The following FBXO43 variants were observed in gnomAD, a reference collection of about 807,000 sequenced individuals.
FBXO43 encodes F-box protein 43, also known as F-box only protein 43.
In FBXO43, 22 loss-of-function variants were observed where a neutral mutation model predicts 56.7. That is an observed-to-expected ratio of 0.39 (90% CI 0.28 to 0.55). The LOEUF is 0.55. Among genes scored for constraint, FBXO43 ranks in the 20% least tolerant of loss-of-function variants. FBXO43 has a pLI of 0.66. For missense variants in FBXO43, 733 were observed against 814.9 expected (o/e 0.90, Z 1.22); for synonymous variants, 306 against 294.5 (o/e 1.04, Z -0.40).
chr8:100,145,118 T>C lies in FBXO43; in HGVS notation c.18A>G (p.Lys6=). ...CTTCCAAACAAGAAATTCTCTCATCTTTGTCTTTAAAACTCATGCCAAAAT... is the reference window on the plus strand; with the variant it reads ...CTTCCAAACAAGAAATTCTCTCATCCTTGTCTTTAAAACTCATGCCAAAAT... MSFKD[K]DERISCLEAY... Residue 6 remains lysine (K), a synonymous_variant, in exon 1 of 5, where the codon AAA becomes AAG. Coordinates refer to ENST00000428847, the MANE Select transcript of FBXO43 (RefSeq NM_001029860.4). 1 of 1,611,524 alleles carries C rather than the reference T, an allele frequency of 6.2e-7. No individual in the cohort carries two copies. Among genetic ancestry groups the C allele is most frequent in the African/African-American group, 1.3e-5 (1 of 74,906 alleles).
At position 100,134,056 on chromosome 8, in the gene FBXO43, G is replaced by A. The variant is rs368853064; in HGVS notation, c.1879-6C>T. 1,228 of 1,613,152 alleles carry A rather than the reference G, an allele frequency of 7.6e-4. 3 individuals are homozygous for A. Among genetic ancestry groups the A allele is most frequent in the Admixed American group, 1.2e-3 (74 of 59,946 alleles). Reference sequence around the variant, plus strand: ...GTAAAAAGTGTTTTGGCAACCTGCAGTGAAAGCACACACACTAAATCTTCT... The same window carrying A: ...GTAAAAAGTGTTTTGGCAACCTGCAATGAAAGCACACACACTAAATCTTCT... On this transcript the variant is annotated splice_polypyrimidine_tract_variant and splice_region_variant and intron_variant, in intron 4 of 4. Transcript: ENST00000428847.
upstream of FBXO43, among the ~76,000 whole-genome samples, chr8:100,149,567 C>T (rs1814883901): frequency 1.3e-5 from 2 of 152,136 alleles, no homozygotes; most frequent in Non-Finnish European, 2.9e-5. Context: ...GGAACTGCTG[C>T]GTTTTCCTGA....
chr8:100,141,417 ACATG>A lies in FBXO43; in HGVS notation c.833_836del (p.Ala278ValfsTer22). 1.9e-6 allele frequency: 3 copies of A among 1,613,604 alleles called. No homozygotes were observed. The highest frequency in any genetic ancestry group is 2.5e-6 in the Non-Finnish European group (3 of 1,179,988). On this transcript the variant is annotated frameshift_variant, in exon 2 of 5. Coordinates refer to ENST00000428847, the MANE Select transcript of FBXO43 (RefSeq NM_001029860.4). LOFTEE classifies it high-confidence loss of function. ...TAACAGAGGAGCCCAGGAGCTCTGG[ACATG>A]CATTCTCATCATTAATGCATAAACT...
chr8:100,139,051 T>A (rs1439679593), intron 2 of FBXO43, among the ~76,000 whole-genome samples: 3 of 152,154 alleles, frequency 2.0e-5, no homozygotes, highest in Non-Finnish European at 2.9e-5. Context: ...TAAACCTTAA[T>A]AAGAGTTTAT....
At chr8:100,147,538 G>A (rs1255283489), upstream of FBXO43, among the ~76,000 whole-genome samples, 1 of 152,246 alleles carries the variant, frequency 6.6e-6, no homozygotes, top group Non-Finnish European at 1.5e-5. Context: ...CCTGAGAAGT[G>A]AAGAAGCTAA....
At chr8:100,136,461 T>C (rs1814474143) in intron 3 of FBXO43, among the ~76,000 whole-genome samples, 1 of 152,242 alleles carries the variant, frequency 6.6e-6, no homozygotes, top group Admixed American at 6.5e-5. Context: ...GTTGAATCTA[T>C]AATCAAACAT....
In FBXO43 at chr8:100,145,459, G is replaced by C. The variant is rs1414155386; in HGVS notation, c.-324C>G. On this transcript the variant is annotated 5_prime_UTR_variant, in exon 1 of 5. Transcript: ENST00000428847. ...GGGCGGGTGGGTAACGGTCTCACCA[G>C]GGCGTCAAAGATCCGCTAGGCCCAG... The C allele has an allele frequency of 4.8e-6, 1 of 208,720 alleles. No homozygotes were observed. Among genetic ancestry groups the C allele is most frequent in the South Asian group, 1.4e-4 (1 of 7,278 alleles). 12.9% of individuals were successfully genotyped at this position (208,720 alleles called of 1,614,324 possible).
rs745417810 is a variant in FBXO43 at position 100,145,093 on chromosome 8, C to G, written c.43G>C (p.Ala15Pro). The change falls in exon 1 of 5, where the codon GCC becomes CCC. Residue 15 changes from alanine to proline, a missense_variant. Ala to Pro is a conservative substitution (Grantham distance 27, BLOSUM62 -1). Transcript: ENST00000428847. Reference sequence around the variant, plus strand: ...CTCTTAGATGTCAAAGTTACGTAGGCTTCCAAACAAGAAATTCTCTCATCT... The same window carrying G: ...CTCTTAGATGTCAAAGTTACGTAGGGTTCCAAACAAGAAATTCTCTCATCT... ...DKDERISCLE[A>P]YVTLTSKSSR... 2 of 1,612,452 alleles carry G rather than the reference C, an allele frequency of 1.2e-6. No homozygotes were observed. The highest frequency in any genetic ancestry group is 1.7e-5 in the Admixed American group (1 of 59,874).
At chr8:100,149,445 T>G (rs1411289328), upstream of FBXO43, among the ~76,000 whole-genome samples, 1 of 152,242 alleles carries the variant, frequency 6.6e-6, no homozygotes, top group Admixed American at 6.5e-5. Flanking sequence ...GGGAAGCCTA[T>G]TGTGCCTCTT....
chr8:100,143,187 T>C (rs1005390132), intron 1 of FBXO43, among the ~76,000 whole-genome samples: 2 of 152,230 alleles, frequency 1.3e-5, no homozygotes, highest in African/African-American at 4.8e-5. Flanking sequence ...AAATTTATTA[T>C]AGTTTTTGAT....
At chr8:100,142,254 GATA>G in intron 1 of FBXO43, 86 bp from the exon 2 acceptor site, 2 of 1,180,258 alleles carry the variant, frequency 1.7e-6, no homozygotes, top group Non-Finnish European at 2.3e-6. Flanking sequence ...TATGAGTACA[GATA>G]ATAATGGAAA....
chr8:100,149,019 A>G (rs1814875607), upstream of FBXO43, among the ~76,000 whole-genome samples: 1 of 152,210 alleles, frequency 6.6e-6, no homozygotes, highest in Admixed American at 6.5e-5. Context: ...AAACAGAGCA[A>G]TGCAATGATG....
At chr8:100,135,970 T>C (rs1814457877) in intron 3 of FBXO43, among the ~76,000 whole-genome samples, 1 of 152,008 alleles carries the variant, frequency 6.6e-6, no homozygotes, top group South Asian at 2.1e-4. Context: ...TATTTGGAGT[T>C]ACATGGAGGG....
chr8:100,137,519 T>C lies in FBXO43; in HGVS notation c.1674+46A>G, dbSNP rs75049495. 1.5e-3 allele frequency: 1,875 copies of C among 1,239,162 alleles called. 18 individuals carry two copies. The African/African-American group carries it at 0.025, about 16-fold the overall frequency. The allele number at this position is 1,239,162 out of a possible 1,614,324, so 76.8% of individuals were successfully genotyped here. On this transcript the variant is annotated intron_variant, in intron 3 of 4. Coordinates refer to ENST00000428847, the MANE Select transcript of FBXO43 (RefSeq NM_001029860.4). ...AGGTTGTCTAGCAACATGAGATTAT[T>C]ATGTATTTATACAAATCCATTTTAG...
chr8:100,141,562 T>C lies in FBXO43; in HGVS notation c.692A>G (p.Lys231Arg). The change falls in exon 2 of 5, where the codon AAG becomes AGG. Residue 231 changes from lysine (K) to arginine (R), a missense_variant. Coordinates refer to ENST00000428847, the MANE Select transcript of FBXO43 (RefSeq NM_001029860.4). Reference protein sequence around the residue: ...QKLRLNFSQQKTSTIDDSKDD... With the variant: ...QKLRLNFSQQRTSTIDDSKDD... Reference sequence around the variant, plus strand: ...TTTGGAATCATCAATTGTGGAAGTCTTTTGCTGAGAAAAATTAAGCCTCAA... The same window carrying C: ...TTTGGAATCATCAATTGTGGAAGTCCTTTGCTGAGAAAAATTAAGCCTCAA... 1 of 1,611,634 alleles carries C rather than the reference T, an allele frequency of 6.2e-7. No homozygotes were observed. Among genetic ancestry groups the C allele is most frequent in the Non-Finnish European group, 8.5e-7 (1 of 1,180,018 alleles).
At chr8:100,140,334 G>A (rs186107370) in intron 2 of FBXO43, among the ~76,000 whole-genome samples, 6 of 152,302 alleles carry the variant, frequency 3.9e-5, no homozygotes, top group African/African-American at 1.2e-4. Flanking sequence ...GCCGGGCATG[G>A]TGGTGGGCGC....
Position 100,133,710 on chromosome 8 carries a change from A to T in FBXO43, c.*92T>A. The stretch of plus-strand genomic sequence containing the variant: ...AATAGGAAATTAATCATCACCTGTC[A>T]TTAATGGGAAGATTTGCATGTATTC... On this transcript the variant is annotated 3_prime_UTR_variant, in exon 5 of 5. Coordinates refer to ENST00000428847, the MANE Select transcript of FBXO43 (RefSeq NM_001029860.4). The T allele has an allele frequency of 7.8e-7, 1 of 1,288,502 alleles. No individual in the cohort carries two copies. The highest frequency in any genetic ancestry group is 1.1e-6 in the Non-Finnish European group (1 of 942,744). The allele number at this position is 1,288,502 out of a possible 1,614,324, so 79.8% of individuals were successfully genotyped here.
At position 100,140,913 on chromosome 8, in the gene FBXO43, A is replaced by G; in HGVS notation, c.1341T>C (p.His447=). 2 of 1,614,186 alleles carry G rather than the reference A, an allele frequency of 1.2e-6. No homozygotes were observed. Among genetic ancestry groups the G allele is most frequent in the Non-Finnish European group, 1.7e-6 (2 of 1,180,042 alleles). Residue 447 remains histidine (H), a synonymous_variant, in exon 2 of 5, where the codon CAT becomes CAC. Transcript: ENST00000428847. Reference sequence around the variant, plus strand: ...TCCTCTTGCTTTTCATGAACAGCTCATGTACCAATTGCAAGGCTGGGGTCT... The same window carrying G: ...TCCTCTTGCTTTTCATGAACAGCTCGTGTACCAATTGCAAGGCTGGGGTCT... ...LSKTPALQLV[H]ELFMKSKRKR...
chr8:100,140,829 T>C lies in FBXO43; in HGVS notation c.1425A>G (p.Ile475Met). The change falls in exon 2 of 5, where the codon ATA becomes ATG. Residue 475 changes from isoleucine (I) to methionine (M), a missense_variant. Transcript: ENST00000428847. The stretch of plus-strand genomic sequence containing the variant: ...CTGCAAGTATACACTGCAGTACAGC[T>C]ATTTTCTCCCCATCCCCTTGCTCTA... ...EFLEQGDGEK[I>M]AVLQCILAGL... 1 of 1,614,254 alleles carries C rather than the reference T, an allele frequency of 6.2e-7. No homozygotes were observed.
Sources: allele counts gnomAD v4.1 joint callset (sites outside exome capture counted in the v4.1 genomes callset), GRCh38; gene constraint gnomAD v4.1.1; transcripts MANE v1.5; gene names NCBI Gene and HGNC (gene_info 2026-07-23, HGNC 2026-07-21).